The following CFAP46 variants were observed in gnomAD, a reference collection of about 807,000 sequenced individuals.
The protein encoded by CFAP46 is cilia- and flagella-associated protein 46.
Under a neutral mutation model 325.7 loss-of-function variants are expected in CFAP46, and 245 were observed. The ratio of observed to expected loss-of-function variants is 0.75; its 90% CI spans 0.68 to 0.84. The LOEUF is 0.84. Among genes scored for constraint, CFAP46 ranks in the 40% least tolerant of loss-of-function variants. The pLI, the probability that CFAP46 is intolerant of heterozygous loss-of-function variation, is 0.00. For missense variants in CFAP46, 3,346 were observed against 3,543.0 expected, an observed-to-expected ratio of 0.94 and a Z score of 1.41; for synonymous variants, 1,523 against 1,495.9, an observed-to-expected ratio of 1.02 and a Z score of -0.42.
In CFAP46 at chr10:132,808,564, G is replaced by A. The variant is rs777814057; in HGVS notation, c.8005C>T (p.Leu2669=). Residue 2669 remains leucine, a synonymous_variant, in exon 58 of 58, where the codon CTG becomes TTG. Transcript: ENST00000368586. The surrounding 1 kb of genome is among the most constrained non-coding windows in gnomAD (Gnocchi z 6.8). ...AAAWTSSSAC[L]CAPWGLRRGW... ...CGACGCAGACCCCATGGCGCACACA[G>A]GCAGGCAGAGCTCGAGGTCCAGGCG... 1.9e-6 allele frequency: 3 copies of A among 1,612,808 alleles called. No individual in the cohort carries two copies. The highest frequency in any genetic ancestry group is 1.7e-6 in the Non-Finnish European group (2 of 1,179,908).
rs536894447 is a variant in CFAP46, at chr10:132,814,317, G to A, written c.7286-63C>T. 2.2e-4 allele frequency: 306 copies of A among 1,362,698 alleles called. 1 individual carries two copies. The South Asian group carries it at 2.3e-3, about 10-fold the overall frequency. The allele number at this position is 1,362,698 out of a possible 1,614,324, so 84.4% of individuals were successfully genotyped here. A position where few individuals can be genotyped will look rare whatever the true frequency, so the allele number is the denominator to read the frequency against. ...TCATCAGACACGGGTGTGCAGGGCC[G>A]GGGTCCCTGGGGAGGGGTCACAGCG... On this transcript the variant is annotated intron_variant, in intron 53 of 57. Coordinates refer to ENST00000368586, the MANE Select transcript of CFAP46 (RefSeq NM_001200049.3).
In CFAP46 at chr10:132,920,964, C is replaced by T. The variant is rs117616240; in HGVS notation, c.1607-782G>A. Among the ~76,000 whole-genome samples the T allele has an allele frequency of 3.9e-3, 601 of 152,350 alleles. 4 individuals are homozygous for T. The highest frequency in any genetic ancestry group is 6.3e-3 in the Non-Finnish European group (427 of 68,030). On this transcript the variant is annotated intron_variant, in intron 13 of 57. Coordinates refer to ENST00000368586, the MANE Select transcript of CFAP46 (RefSeq NM_001200049.3). ...TCCTACTGGTGGATCTGCAGCTGCT[C>T]CTCAAACTCATTAGGGCAAAATGAA...
Position 132,828,613 on chromosome 10 carries a change from G to A in CFAP46, c.7117+4745C>T, listed in dbSNP as rs574635253. ...CTGTTATCAGATTCTTCCAGTCTTG[G>A]CGTAACTTTTCATTTTCTTAACAAT... is the stretch of plus-strand genomic sequence containing the variant. On this transcript the variant is annotated intron_variant, in intron 50 of 57. Coordinates refer to ENST00000368586, the MANE Select transcript of CFAP46 (RefSeq NM_001200049.3). The surrounding 1 kb of genome is among the most constrained non-coding windows in gnomAD (Gnocchi z 4.9). Among the ~76,000 whole-genome samples the A allele has an allele frequency of 6.6e-6, 1 of 152,132 alleles. No homozygotes were observed. The highest frequency in any genetic ancestry group is 6.5e-5 in the Admixed American group (1 of 15,278).
Position 132,942,064 on chromosome 10 carries a change from C to A in CFAP46, c.90G>T (p.Ser30=), listed in dbSNP as rs756467135. ...SLKKAYELIK[S]ANLGKSEFDP... ...CAAACTCCGATTTCCCTAGGTTGGC[C>A]GATTTGATCAACTCGTAGGCCTTCT... is the stretch of plus-strand genomic sequence containing the variant. Residue 30 remains serine (S), a synonymous_variant, in exon 2 of 58, where the codon TCG becomes TCT. Coordinates refer to ENST00000368586, the MANE Select transcript of CFAP46 (RefSeq NM_001200049.3). 18 of 1,551,662 alleles carry A rather than the reference C, an allele frequency of 1.2e-5. No homozygotes were observed. In the South Asian group the frequency reaches 1.9e-4, roughly 16 times the overall value.
chr10:132,932,232 CCA>C (rs1849920590), intron 8 of CFAP46, among the ~76,000 whole-genome samples: 1 of 143,672 alleles, frequency 7.0e-6, no homozygotes, highest in South Asian at 2.3e-4. Context: ...CCTACACTCC[CCA>C]CACAGAGCCT....
chr10:132,881,060 T>G (rs1175232730), intron 27 of CFAP46, 28 bp from the exon 28 acceptor site: 1 of 1,547,148 alleles, frequency 6.5e-7, no homozygotes, highest in African/African-American at 1.4e-5. Flanking sequence ...AAGGGTGACA[T>G]CCTCAGGATG....
intron 50 of CFAP46, among the ~76,000 whole-genome samples, chr10:132,830,463 G>A (rs1024563916): frequency 6.6e-6 from 1 of 152,190 alleles, no homozygotes; most frequent in African/African-American, 2.4e-5. Context: ...TTTGTGGGAA[G>A]ATTTTAAACT....
rs561513347 is a variant in CFAP46 at position 132,872,539 on chromosome 10, T to A, written c.4511+137A>T. 4.7e-4 allele frequency: 502 copies of A among 1,064,866 alleles called. 8 individuals are homozygous for A. The South Asian group carries it at 6.9e-3, about 15-fold the overall frequency. 66.0% of individuals were successfully genotyped at this position (1,064,866 alleles called of 1,614,324 possible). ...CAAAAATACCATTTTCATATTCAAA[T>A]ATTTTTATTTACTTGGTGTTCAAGT... On this transcript the variant is annotated intron_variant, in intron 32 of 57. Coordinates refer to ENST00000368586, the MANE Select transcript of CFAP46 (RefSeq NM_001200049.3).
At position 132,938,678 on chromosome 10, in the gene CFAP46, A is replaced by G. The variant is rs566644101; in HGVS notation, c.447T>C (p.Arg149=). The part of the protein sequence containing the change: ...MVRPFLKPGY[R]HHLIPSLSQI... ...GGGAAAGGCTGGGGATCAGATGGTG[A>G]CGATATCCAGGCTTGAGGAACGGCC... Residue 149 remains arginine, a synonymous_variant, in exon 5 of 58, where the codon CGT becomes CGC. Coordinates refer to ENST00000368586, the MANE Select transcript of CFAP46 (RefSeq NM_001200049.3). 10 of 1,613,774 alleles carry G rather than the reference A, an allele frequency of 6.2e-6. No homozygotes were observed. In the South Asian group the frequency reaches 8.8e-5, roughly 14 times the overall value.
At position 132,919,177 on chromosome 10, in the gene CFAP46, C is replaced by T. The variant is rs1027587353; in HGVS notation, c.1858+138G>A. The T allele has an allele frequency of 9.5e-6, 9 of 948,284 alleles. No individual in the cohort carries two copies. In the African/African-American group the frequency reaches 1.5e-4, roughly 16 times the overall value. The allele number at this position is 948,284 out of a possible 1,614,324, so 58.7% of individuals were successfully genotyped here. ...TGGCGGTCCTGATAATTAGTGGGAA[C>T]TGCTACCATTGTGACTTAGCAATAC... On this transcript the variant is annotated intron_variant, in intron 15 of 57. Coordinates refer to ENST00000368586, the MANE Select transcript of CFAP46 (RefSeq NM_001200049.3). This position sits in a 1 kb window ranked among gnomAD's most constrained non-coding sequence, Gnocchi z 9.7.
intron 12 of CFAP46, 30 bp downstream of exon 12, chr10:132,922,450 C>T: frequency 6.6e-7 from 1 of 1,515,924 alleles, no homozygotes; most frequent in Non-Finnish European, 8.9e-7. Context: ...GCTGCAGCAC[C>T]CAGCCTCCCT....
chr10:132,881,836 C>G (rs912353248), intron 27 of CFAP46, among the ~76,000 whole-genome samples: 2 of 152,282 alleles, frequency 1.3e-5, no homozygotes, highest in African/African-American at 4.8e-5. Context: ...CTGTGGCTCT[C>G]TGAGCGCTGG....
At chr10:132,899,431 G>C in intron 23 of CFAP46, 104 bp downstream of exon 23, 1 of 1,416,136 alleles carries the variant, frequency 7.1e-7, no homozygotes, top group Non-Finnish European at 9.3e-7. Flanking sequence ...GCCGGCAGGA[G>C]CCCTCCCTTG....
intron 12 of CFAP46, 29 bp downstream of exon 12, chr10:132,922,451 C>T: frequency 6.6e-7 from 1 of 1,516,452 alleles, no homozygotes; most frequent in Non-Finnish European, 8.9e-7. Flanking sequence ...CTGCAGCACC[C>T]AGCCTCCCTC....
rs1848098475 is a variant in CFAP46, at chr10:132,828,606, A to C, written c.7117+4752T>G. 6.6e-6 allele frequency among the ~76,000 whole-genome samples: 1 copy of C among 152,140 alleles called. No individual in the cohort carries two copies. Among genetic ancestry groups the C allele is most frequent in the Non-Finnish European group, 1.5e-5 (1 of 68,032 alleles). ...TTTGTTACTGTTATCAGATTCTTCC[A>C]GTCTTGGCGTAACTTTTCATTTTCT... On this transcript the variant is annotated intron_variant, in intron 50 of 57. Coordinates refer to ENST00000368586, the MANE Select transcript of CFAP46 (RefSeq NM_001200049.3). This position sits in a 1 kb window ranked among gnomAD's most constrained non-coding sequence, Gnocchi z 4.9.
rs1172584983 is a variant in CFAP46 at position 132,867,567 on chromosome 10, C to G, written c.4611-60G>C. The G allele has an allele frequency of 2.6e-6, 4 of 1,520,644 alleles. No homozygotes were observed. The African/African-American group carries it at 5.6e-5, about 21-fold the overall frequency. 94.2% of individuals were successfully genotyped at this position (1,520,644 alleles called of 1,614,324 possible). ...ACATGGCCACGAAAATGTCCCTTCA[C>G]GAGTAACCAAAGAAACGCAAACGAA... On this transcript the variant is annotated intron_variant, in intron 33 of 57. Coordinates refer to ENST00000368586, the MANE Select transcript of CFAP46 (RefSeq NM_001200049.3).
chr10:132,843,194 C>T (rs1004836465), intron 44 of CFAP46, among the ~76,000 whole-genome samples: 10 of 152,222 alleles, frequency 6.6e-5, no homozygotes, highest in African/African-American at 2.4e-4. Flanking sequence ...GCAGAGGACA[C>T]TATGTCCTGG....
chr10:132,808,660 G>C lies in CFAP46; in HGVS notation c.7909C>G (p.Leu2637Val). Reference sequence around the variant, plus strand: ...GCACCAAGGGCTGGGGAGAGGCCCAGGAAGGGGAGAGCGAGCTGGGAGCTG... The same window carrying C: ...GCACCAAGGGCTGGGGAGAGGCCCACGAAGGGGAGAGCGAGCTGGGAGCTG... ...IPSSQLALPF[L>V]GLSPALGAAS... Residue 2637 changes from leucine to valine, a missense_variant, in exon 58 of 58, where the codon CTG (leucine) becomes GTG (valine). Leu to Val is a conservative substitution (Grantham distance 32). Transcript: ENST00000368586. This position sits in a 1 kb window ranked among gnomAD's most constrained non-coding sequence, Gnocchi z 6.8. The C allele has an allele frequency of 6.3e-7, 1 of 1,593,298 alleles. No homozygotes were observed. The highest frequency in any genetic ancestry group is 8.5e-7 in the Non-Finnish European group (1 of 1,169,694).
intron 17 of CFAP46, 97 bp from the exon 18 acceptor site, chr10:132,913,355 G>A (rs960342740): frequency 2.7e-5 from 20 of 747,634 alleles, no homozygotes; most frequent in Non-Finnish European, 4.1e-5. Context: ...CCAGGCTGCA[G>A]GGCAAGAAGT....
Sources: gnomAD v4.1 joint callset for allele counts (sites outside exome capture counted in the v4.1 genomes callset) on GRCh38, gnomAD v4.1.1 for gene constraint, Gnocchi (gnomAD v3.1) non-coding constraint, MANE v1.5 for transcripts, NCBI Gene and HGNC (gene_info 2026-07-23, HGNC 2026-07-21) for gene names.